Variants in CAMK2D observed in about 807,000 individuals in gnomAD.
CAMK2D encodes the protein calcium/calmodulin dependent protein kinase II delta.
In CAMK2D, 37 loss-of-function variants were observed where a neutral mutation model predicts 84.0. The observed-to-expected ratio is 0.44, with a 90% CI of 0.34 to 0.58. CAMK2D has a LOEUF of 0.58. Ranked by LOEUF, CAMK2D falls within the 20% of genes least tolerant of loss-of-function variation. The pLI is 0.02. For missense variants in CAMK2D, 448 were observed against 652.5 expected (o/e 0.69, Z 3.41); for synonymous variants, 202 against 212.5 (o/e 0.95, Z 0.43).
At chr4:113,688,114 G>A (rs556450427) in intron 2 of CAMK2D, among the ~76,000 whole-genome samples, 1 of 152,260 alleles carries the variant, frequency 6.6e-6, no homozygotes, top group South Asian at 2.1e-4. Flanking sequence ...AGAAAATTCT[G>A]CCCTCCAATG....
At chr4:113,516,991 T>C (rs1352045284) in intron 9 of CAMK2D, among the ~76,000 whole-genome samples, 3 of 151,904 alleles carry the variant, frequency 2.0e-5, no homozygotes, top group African/African-American at 7.2e-5. Flanking sequence ...TGTATATATA[T>C]ATATCTACTT....
chr4:113,720,364 T>TCACACACACACA lies in CAMK2D; in HGVS notation c.160+38955_160+38956insTGTGTGTGTGTG, dbSNP rs1491434615. On this transcript the variant is annotated intron_variant, in intron 2 of 20. Coordinates refer to ENST00000511664, the MANE Select transcript of CAMK2D (RefSeq NM_001321571.2). Reference sequence around the variant, plus strand: ...TGGTAAAGAAAATCAACAATCACATTCTCACACACACACACACACACACAC... The same window carrying TCACACACACACA: ...TGGTAAAGAAAATCAACAATCACATTCACACACACACACTCACACACACACACACACACACAC... Among the ~76,000 whole-genome samples the TCACACACACACA allele has an allele frequency of 4.5e-3, 479 of 106,018 alleles. 3 individuals carry two copies. The highest frequency in any genetic ancestry group is 0.018 in the African/African-American group (450 of 24,864). The allele number at this position is 106,018 out of a possible 152,430, so 69.6% of individuals were successfully genotyped here. A position where few individuals can be genotyped will look rare whatever the true frequency, so the allele number is the denominator to read the frequency against.
intron 2 of CAMK2D, among the ~76,000 whole-genome samples, chr4:113,740,722 C>A (rs576178559): frequency 6.6e-6 from 1 of 152,202 alleles, no homozygotes; most frequent in East Asian, 1.9e-4. Flanking sequence ...TCACACCTCA[C>A]AACCTTTCCA....
intron 13 of CAMK2D, among the ~76,000 whole-genome samples, chr4:113,509,369 T>A (rs1407537930): frequency 6.6e-6 from 1 of 152,220 alleles, no homozygotes; most frequent in African/African-American, 2.4e-5. Context: ...GATTAAGACA[T>A]TTAATTATTT....
chr4:113,746,087 C>G (rs1457833065), intron 2 of CAMK2D, among the ~76,000 whole-genome samples: 1 of 152,180 alleles, frequency 6.6e-6, no homozygotes, highest in Non-Finnish European at 1.5e-5. Context: ...TCCAAAGACT[C>G]ATTTCTCATG....
intron 3 of CAMK2D, among the ~76,000 whole-genome samples, chr4:113,653,818 T>C (rs945944323): frequency 3.3e-5 from 5 of 152,080 alleles, no homozygotes; most frequent in African/African-American, 1.2e-4. Context: ...CTGTACAATG[T>C]GATTGTATGG....
At chr4:113,655,976 A>G (rs2099198154) in intron 3 of CAMK2D, among the ~76,000 whole-genome samples, 1 of 152,158 alleles carries the variant, frequency 6.6e-6, no homozygotes, top group Non-Finnish European at 1.5e-5. Context: ...GAATTTGGCT[A>G]TCACCTCAAA....
At chr4:113,567,279 T>A (rs2098730183) in intron 4 of CAMK2D, among the ~76,000 whole-genome samples, 1 of 151,106 alleles carries the variant, frequency 6.6e-6, no homozygotes, top group Non-Finnish European at 1.5e-5. Flanking sequence ...GCAATTCTCC[T>A]GCCTCAGCCT....
At chr4:113,645,859 A>G (rs1283534015) in intron 3 of CAMK2D, among the ~76,000 whole-genome samples, 1 of 152,240 alleles carries the variant, frequency 6.6e-6, no homozygotes, top group Non-Finnish European at 1.5e-5. Flanking sequence ...CACTCCTGAC[A>G]AAGATGATTC....
intron 16 of CAMK2D, among the ~76,000 whole-genome samples, chr4:113,479,368 C>T (rs2097670928): frequency 6.6e-6 from 1 of 152,056 alleles, no homozygotes; most frequent in African/African-American, 2.4e-5. Flanking sequence ...TGAACATATC[C>T]AGAGATAAAA....
intron 16 of CAMK2D, among the ~76,000 whole-genome samples, chr4:113,466,396 T>C (rs1038114613): frequency 6.6e-6 from 1 of 152,172 alleles, no homozygotes; most frequent in Non-Finnish European, 1.5e-5. Context: ...TCTTAAAAAG[T>C]ATCATTCTAA....
intron 1 of CAMK2D, 87 bp downstream of exon 1, chr4:113,760,917 C>T: frequency 6.4e-7 from 1 of 1,560,168 alleles, no homozygotes; most frequent in South Asian, 1.1e-5. Flanking sequence ...ACTCCCTCGC[C>T]CCAAGACGGA....
At chr4:113,603,128 G>A (rs762224485) in intron 4 of CAMK2D, among the ~76,000 whole-genome samples, 1 of 152,006 alleles carries the variant, frequency 6.6e-6, no homozygotes, top group Non-Finnish European at 1.5e-5. Flanking sequence ...ACCATGCTAG[G>A]CACAAACCCT....
chr4:113,548,438 T>C (rs954632912), intron 5 of CAMK2D, among the ~76,000 whole-genome samples: 1 of 152,206 alleles, frequency 6.6e-6, no homozygotes, highest in African/African-American at 2.4e-5. Context: ...CTTAGCAGGT[T>C]GTATTCTTTA....
At chr4:113,506,499 G>C (rs753123675) in intron 13 of CAMK2D, among the ~76,000 whole-genome samples, 12 of 151,892 alleles carry the variant, frequency 7.9e-5, no homozygotes, top group Non-Finnish European at 1.5e-4. Context: ...CATGATATTT[G>C]TGCAAGAGCC....
At chr4:113,518,483 T>C (rs2098314720) in intron 8 of CAMK2D, among the ~76,000 whole-genome samples, 1 of 152,196 alleles carries the variant, frequency 6.6e-6, no homozygotes, top group African/African-American at 2.4e-5. Flanking sequence ...ATGTCTGAGA[T>C]TGTTTTGATA....
intron 13 of CAMK2D, 121 bp from the exon 14 acceptor site, chr4:113,505,156 C>T (rs1020190200): frequency 3.1e-5 from 15 of 485,974 alleles, no homozygotes; most frequent in Middle Eastern, 2.9e-4. Flanking sequence ...TGAAGATGAA[C>T]GTGAAAGACA....
chr4:113,546,122 T>C (rs2098567549), intron 6 of CAMK2D, among the ~76,000 whole-genome samples: 1 of 152,222 alleles, frequency 6.6e-6, no homozygotes, highest in Admixed American at 6.5e-5. Context: ...CACTTATGGT[T>C]ATATAACATG....
chr4:113,661,280 GT>G (rs1484747910), intron 3 of CAMK2D, among the ~76,000 whole-genome samples: 1 of 144,368 alleles, frequency 6.9e-6, no homozygotes, highest in African/African-American at 2.8e-5. Flanking sequence ...AAGGATTATT[GT>G]TTTCATTATA....
Sources: allele counts gnomAD v4.1 joint callset (sites outside exome capture counted in the v4.1 genomes callset), GRCh38; gene constraint gnomAD v4.1.1; transcripts MANE v1.5; gene names NCBI Gene and HGNC (gene_info 2026-07-23, HGNC 2026-07-21).